Variants in RAB40C observed in about 807,000 individuals in gnomAD.
The protein encoded by RAB40C is RAB40C, member RAS oncogene family.
A neutral mutation model predicts 28.1 loss-of-function variants in RAB40C; 8 were observed. That is an observed-to-expected ratio of 0.28 (90% CI 0.17 to 0.51). RAB40C has a LOEUF of 0.51. RAB40C is among the 20% of genes least tolerant of loss of function. The pLI is 0.97. For missense variants in RAB40C, 288 were observed against 405.9 expected (o/e 0.71, Z 2.50); for synonymous variants, 201 against 171.7 (o/e 1.17, Z -1.34).
At chr16:608,818 A>G (rs1319990045) in intron 1 of RAB40C, among the ~76,000 whole-genome samples, 1 of 152,154 alleles carries the variant, frequency 6.6e-6, no homozygotes, top group Non-Finnish European at 1.5e-5. Flanking sequence ...GGTTGCCATG[A>G]GCCAAGATTG....
chr16:604,519 C>T (rs62030909), intron 1 of RAB40C, among the ~76,000 whole-genome samples: 1 of 149,480 alleles, frequency 6.7e-6, no homozygotes, highest in African/African-American at 2.5e-5. Flanking sequence ...CTAGAATACA[C>T]GTGAGTCTTT....
chr16:595,843 C>T (rs1376270549), intron 1 of RAB40C, among the ~76,000 whole-genome samples: 1 of 152,156 alleles, frequency 6.6e-6, no homozygotes, highest in East Asian at 1.9e-4. Context: ...CCTTGTGATC[C>T]ACCCTCCTCG....
rs568649929 is a variant in RAB40C at position 604,879 on chromosome 16, G to A, written c.143-12329G>A. ...GTTTGAGACCAGCCTGGCCAACATG[G>A]TGAAACCGTATCTCTACTAAAAATA... On this transcript the variant is annotated intron_variant, in intron 1 of 5. Coordinates refer to ENST00000248139, the MANE Select transcript of RAB40C (RefSeq NM_021168.5). 4.6e-5 allele frequency among the ~76,000 whole-genome samples: 7 copies of A among 152,266 alleles called. No individual in the cohort carries two copies. In the South Asian group the frequency reaches 1.5e-3, roughly 32 times the overall value.
chr16:627,791 C>A lies in RAB40C; in HGVS notation c.*169C>A. 5.0e-6 allele frequency: 4 copies of A among 803,824 alleles called. No homozygotes were observed. Among genetic ancestry groups the A allele is most frequent in the Non-Finnish European group, 7.1e-6 (4 of 563,702 alleles). The allele number at this position is 803,824 out of a possible 1,614,324, so 49.8% of individuals were successfully genotyped here. A position where few individuals can be genotyped will look rare whatever the true frequency, so the allele number is the denominator to read the frequency against. On this transcript the variant is annotated 3_prime_UTR_variant, in exon 6 of 6. Coordinates refer to ENST00000248139, the MANE Select transcript of RAB40C (RefSeq NM_021168.5). ...GGTGCGAGGAGGAGCATGCACGGAC[C>A]AAGCGCGGCAGGCGGGAGGAGGGGG...
chr16:591,542 C>T (rs1404207723), intron 1 of RAB40C, among the ~76,000 whole-genome samples: 2 of 152,178 alleles, frequency 1.3e-5, no homozygotes, highest in African/African-American at 4.8e-5. Context: ...AAGAAAATAC[C>T]TCTGTAATGA....
At chr16:625,579 C>A in intron 4 of RAB40C, 70 bp downstream of exon 4, 1 of 1,484,722 alleles carries the variant, frequency 6.7e-7, no homozygotes. Flanking sequence ...CCCGGGTAGG[C>A]TCTGGATTCC....
chr16:608,252 C>A (rs575593875), intron 1 of RAB40C, among the ~76,000 whole-genome samples: 25 of 152,258 alleles, frequency 1.6e-4, no homozygotes, highest in African/African-American at 5.5e-4. Flanking sequence ...CATCAGGTGT[C>A]GGGAGAACTC....
rs537363073 is a variant in RAB40C at position 610,122 on chromosome 16, T to TG, written c.143-7082dup. Among the ~76,000 whole-genome samples the TG allele has an allele frequency of 6.4e-3, 974 of 152,180 alleles. 7 individuals carry two copies. The highest frequency in any genetic ancestry group is 0.022 in the African/African-American group (922 of 41,518). ...CTGAGACTTGGTCTCCTGTAGCTGG[T>TG]GGGGAAGCGGCACCCTGTGCGGTAG... On this transcript the variant is annotated intron_variant, in intron 1 of 5. Transcript: ENST00000248139. This position sits in a 1 kb window ranked among gnomAD's most constrained non-coding sequence, Gnocchi z 4.6.
chr16:593,366 G>A (rs569772374), intron 1 of RAB40C, among the ~76,000 whole-genome samples: 94 of 152,376 alleles, frequency 6.2e-4, no homozygotes, highest in African/African-American at 2.2e-3. Context: ...TAGGCCTCTG[G>A]CCCTCGTGGG....
chr16:625,443 G>A lies in RAB40C; in HGVS notation c.276G>A (p.Leu92=), dbSNP rs2151081728. Residue 92 remains leucine, a synonymous_variant, in exon 4 of 6, where the codon TTG becomes TTA. Transcript: ENST00000248139. ...AGTCTCTGTTGCAGGGGATCCTCTT[G>A]GTGTATGACATCACCAACCGCTGGT... ...SYSRGAQGIL[L]VYDITNRWSF... The A allele has an allele frequency of 1.9e-6, 3 of 1,613,422 alleles. No homozygotes were observed. Among genetic ancestry groups the A allele is most frequent in the East Asian group, 4.5e-5 (2 of 44,874 alleles).
chr16:618,094 C>A, intron 2 of RAB40C, 106 bp from the exon 3 acceptor site: 2 of 1,068,644 alleles, frequency 1.9e-6, no homozygotes, highest in Non-Finnish European at 1.4e-6. Flanking sequence ...CTGTCCTGGC[C>A]GCCCCGCTCC....
At chr16:590,878 T>G (rs1596393786) in intron 1 of RAB40C, among the ~76,000 whole-genome samples, 1 of 120,722 alleles carries the variant, frequency 8.3e-6, no homozygotes, top group Non-Finnish European at 1.7e-5. Flanking sequence ...GGAGGGAAGG[T>G]GTCATGGGTG....
intron 3 of RAB40C, chr16:625,103 G>C: frequency 7.6e-7 from 1 of 1,317,052 alleles, no homozygotes; most frequent in African/African-American, 1.5e-5. Context: ...AGCTTCCACA[G>C]CTGCACGTCC....
intron 3 of RAB40C, among the ~76,000 whole-genome samples, chr16:623,394 C>A (rs184127537): frequency 4.0e-5 from 6 of 151,176 alleles, no homozygotes; most frequent in Non-Finnish European, 7.4e-5. Context: ...TCACGCCTGT[C>A]ATCCCAGCAC....
At position 627,523 on chromosome 16, in the gene RAB40C, C is replaced by T. The variant is rs749812962; in HGVS notation, c.747C>T (p.Gly249=). 1.2e-5 allele frequency: 19 copies of T among 1,613,480 alleles called. No individual in the cohort carries two copies. Among genetic ancestry groups the T allele is most frequent in the Non-Finnish European group, 1.4e-5 (16 of 1,179,948 alleles). ...ACTCCCTGGCCAGCGGGGCCGGGGG[C>T]GGCGGCAGCAAGGGCAACAGCCTCA... ...RSYSLASGAG[G]GGSKGNSLKR... is the part of the protein sequence containing the mutation. The change falls in exon 6 of 6, where the codon GGC becomes GGT. Residue 249 remains glycine (G), a synonymous_variant. Transcript: ENST00000248139.
intron 1 of RAB40C, among the ~76,000 whole-genome samples, 157 bp downstream of exon 1, chr16:590,590 G>A (rs149025351): frequency 2.2e-4 from 34 of 152,202 alleles, no homozygotes; most frequent in Non-Finnish European, 4.0e-4. Flanking sequence ...TGGCTGCGGG[G>A]TGCCCGTGCT....
intron 3 of RAB40C, 89 bp from the exon 4 acceptor site, chr16:625,343 G>A (rs2036806008): frequency 1.3e-6 from 2 of 1,553,668 alleles, no homozygotes; most frequent in Non-Finnish European, 1.8e-6. Flanking sequence ...CCCTGCCCGG[G>A]AACTGAGGCC....
At chr16:625,748 G>A in intron 4 of RAB40C, 151 bp from the exon 5 acceptor site, 1 of 884,568 alleles carries the variant, frequency 1.1e-6, no homozygotes, top group South Asian at 1.6e-5. Context: ...TAGGGCCTGA[G>A]CCCTGGGGTC....
At chr16:619,925 A>C (rs994815721) in intron 3 of RAB40C, among the ~76,000 whole-genome samples, 1 of 152,204 alleles carries the variant, frequency 6.6e-6, no homozygotes, top group Non-Finnish European at 1.5e-5. Context: ...GCTGGGTCGC[A>C]CCCTGTCCTG....
Sources: gnomAD v4.1 joint callset for allele counts (sites outside exome capture counted in the v4.1 genomes callset) on GRCh38, gnomAD v4.1.1 for gene constraint, Gnocchi (gnomAD v3.1) non-coding constraint, MANE v1.5 for transcripts, NCBI Gene and HGNC (gene_info 2026-07-23, HGNC 2026-07-21) for gene names.